GRID2: variants seen among roughly 807,000 people sequenced by gnomAD.
GRID2 encodes the protein glutamate ionotropic receptor delta type subunit 2.
Under a neutral mutation model 114.8 loss-of-function variants are expected in GRID2, and 33 were observed. The ratio of observed to expected loss-of-function variants is 0.29; its 90% CI spans 0.22 to 0.38. GRID2 has a LOEUF of 0.38. Ranked by LOEUF, GRID2 falls within the 10% of genes least tolerant of loss-of-function variation. GRID2 has a pLI of 1.00. For synonymous variants in GRID2, 505 were observed against 449.9 expected, an observed-to-expected ratio of 1.12 and a Z score of -1.55; for missense variants, 1,184 against 1,257.7, an observed-to-expected ratio of 0.94 and a Z score of 0.89.
intron 1 of GRID2, among the ~76,000 whole-genome samples, chr4:92,336,166 T>C (rs1727153694): frequency 6.6e-6 from 1 of 152,224 alleles, no homozygotes; most frequent in Admixed American, 6.5e-5. Context: ...GCTTCATGTA[T>C]GCTTAGTAAT....
intron 1 of GRID2, among the ~76,000 whole-genome samples, chr4:92,568,669 C>G (rs1443189684): frequency 6.6e-6 from 1 of 151,734 alleles, no homozygotes; most frequent in African/African-American, 2.4e-5. Context: ...ATTTCATTAC[C>G]CAGGTATTAA....
chr4:93,074,965 G>C (rs1370590899), intron 2 of GRID2, among the ~76,000 whole-genome samples: 1 of 152,130 alleles, frequency 6.6e-6, no homozygotes, highest in African/African-American at 2.4e-5. Flanking sequence ...TTTTAAGACT[G>C]ATTTTATAAA....
intron 2 of GRID2, among the ~76,000 whole-genome samples, chr4:93,002,260 T>A (rs1378629757): frequency 6.6e-6 from 1 of 151,742 alleles, no homozygotes; most frequent in Non-Finnish European, 1.5e-5. Context: ...ATGGAAAAAA[T>A]TAATTTTAGT....
At chr4:92,847,190 C>G (rs1743390739) in intron 2 of GRID2, among the ~76,000 whole-genome samples, 1 of 151,992 alleles carries the variant, frequency 6.6e-6, no homozygotes, top group Non-Finnish European at 1.5e-5. Flanking sequence ...AATAGACAAC[C>G]TCTTCCTTTT....
intron 2 of GRID2, among the ~76,000 whole-genome samples, chr4:92,673,046 C>T (rs1733154554): frequency 6.6e-6 from 1 of 152,126 alleles, no homozygotes; most frequent in African/African-American, 2.4e-5. Flanking sequence ...TTAGCTCCCA[C>T]AAATAAGTGA....
intron 4 of GRID2, among the ~76,000 whole-genome samples, chr4:93,201,335 T>C (rs1178356413): frequency 3.3e-5 from 5 of 152,204 alleles, no homozygotes; most frequent in Admixed American, 2.0e-4. Context: ...CAGAATATAG[T>C]TCCAAAAATG....
chr4:93,580,877 T>TTATA (rs35248337), intron 13 of GRID2, among the ~76,000 whole-genome samples: 1 of 146,794 alleles, frequency 6.8e-6, no homozygotes, highest in Admixed American at 6.9e-5. Context: ...CAAATTGTCA[T>TTATA]TATATATATA....
chr4:92,970,205 T>G (rs1753414433), intron 2 of GRID2, among the ~76,000 whole-genome samples: 1 of 151,914 alleles, frequency 6.6e-6, no homozygotes, highest in Non-Finnish European at 1.5e-5. Context: ...CAGATTCCAC[T>G]AATCCACAAT....
chr4:92,637,055 A>T (rs892354098), intron 2 of GRID2, among the ~76,000 whole-genome samples: 13 of 151,808 alleles, frequency 8.6e-5, no homozygotes, highest in African/African-American at 2.9e-4. Flanking sequence ...ATTTCAGGTA[A>T]ATTTAAATAT....
intron 4 of GRID2, among the ~76,000 whole-genome samples, chr4:93,133,924 A>G (rs1735017139): frequency 6.6e-6 from 1 of 152,238 alleles, no homozygotes. Flanking sequence ...TTAGGCAAAT[A>G]GAAAAGTAGA....
intron 8 of GRID2, among the ~76,000 whole-genome samples, chr4:93,264,608 C>T (rs1750596411): frequency 6.6e-6 from 1 of 150,418 alleles, no homozygotes; most frequent in South Asian, 2.1e-4. Flanking sequence ...TTTCTGTGTT[C>T]CTACAATTTC....
intron 2 of GRID2, among the ~76,000 whole-genome samples, chr4:92,748,750 C>T (rs1737284993): frequency 6.6e-6 from 1 of 150,842 alleles, no homozygotes. Flanking sequence ...TAACCTCCAC[C>T]TCCTGGGTTC....
intron 12 of GRID2, among the ~76,000 whole-genome samples, chr4:93,496,950 T>C (rs1181783614): frequency 6.6e-6 from 1 of 151,854 alleles, no homozygotes; most frequent in African/African-American, 2.4e-5. Flanking sequence ...TTTAAGAAAC[T>C]GCCCTACTAA....
rs201010343 is a variant in GRID2, at chr4:92,800,159, C to T, written c.244+209873C>T. On this transcript the variant is annotated intron_variant, in intron 2 of 15. Coordinates refer to ENST00000282020, the MANE Select transcript of GRID2 (RefSeq NM_001510.4). ...GAAAAATAATCAGCAATTTATTTAA[C>T]GTGAGTCAGTTAAGGATATCAGTGG... 6.6e-5 allele frequency among the ~76,000 whole-genome samples: 10 copies of T among 151,880 alleles called. No homozygotes were observed. The East Asian group carries it at 7.8e-4, about 12-fold the overall frequency.
At chr4:92,957,646 C>A (rs1042128605) in intron 2 of GRID2, among the ~76,000 whole-genome samples, 2 of 151,694 alleles carry the variant, frequency 1.3e-5, no homozygotes, top group Admixed American at 1.3e-4. Flanking sequence ...AATATTTTGC[C>A]ACTTCATAAA....
At chr4:93,762,828 T>TAG (rs1163807256) in intron 14 of GRID2, among the ~76,000 whole-genome samples, 1 of 152,158 alleles carries the variant, frequency 6.6e-6, no homozygotes, top group South Asian at 2.1e-4. Flanking sequence ...CATGCGGGGT[T>TAG]AGAGCATATG....
rs1732794220 is a variant in GRID2 at position 92,437,532 on chromosome 4, G to A, written c.88+132788G>A. On this transcript the variant is annotated intron_variant, in intron 1 of 15. Transcript: ENST00000282020. ...GATCTGCCTGCCTTGGCCTTCCAAA[G>A]TGCTGGGATTACAGGCGTGAGCTAC... Among the ~76,000 whole-genome samples the A allele has an allele frequency of 3.3e-5, 5 of 152,202 alleles. No individual in the cohort carries two copies. In the South Asian group the frequency reaches 1.0e-3, roughly 31 times the overall value.
Position 93,688,627 on chromosome 4 carries a change from A to G in GRID2, c.2360+62192A>G, listed in dbSNP as rs139024191. On this transcript the variant is annotated intron_variant, in intron 14 of 15. Transcript: ENST00000282020. ...ATACCTCTACATAGAAAGACATTATATTTCTTCCTTTAAGGATGAAAGGCA... is the reference window on the plus strand; with the variant it reads ...ATACCTCTACATAGAAAGACATTATGTTTCTTCCTTTAAGGATGAAAGGCA... Among the ~76,000 whole-genome samples the G allele has an allele frequency of 4.1e-4, 63 of 152,160 alleles. No individual in the cohort carries two copies. In the East Asian group the frequency reaches 0.011, roughly 26 times the overall value.
chr4:93,221,179 C>A (rs946664957), intron 6 of GRID2, among the ~76,000 whole-genome samples: 1 of 152,144 alleles, frequency 6.6e-6, no homozygotes, highest in African/African-American at 2.4e-5. Context: ...TTACACTATT[C>A]TCTCCTAGTC....
Sources: allele counts gnomAD v4.1 joint callset (sites outside exome capture counted in the v4.1 genomes callset), GRCh38; gene constraint gnomAD v4.1.1; transcripts MANE v1.5; gene names NCBI Gene and HGNC (gene_info 2026-07-23, HGNC 2026-07-21).